PRIM2: variants seen among roughly 807,000 people sequenced by gnomAD.
The protein encoded by PRIM2 is DNA primase subunit 2.
A neutral mutation model predicts 67.3 loss-of-function variants in PRIM2; 39 were observed. That is an observed-to-expected ratio of 0.58 (90% CI 0.45 to 0.76). The LOEUF (loss-of-function observed/expected upper bound fraction) is 0.76. PRIM2 is among the 30% of genes least tolerant of loss of function. The pLI, the probability that PRIM2 is intolerant of heterozygous loss-of-function variation, is 0.00. For synonymous variants in PRIM2, 143 were observed against 198.7 expected (o/e 0.72, Z 2.36); for missense variants, 398 against 598.7 (o/e 0.66, Z 3.50).
chr6:57,472,109 G>T (rs1311395090), intron 7 of PRIM2, among the ~76,000 whole-genome samples: 2 of 152,020 alleles, frequency 1.3e-5, no homozygotes, highest in African/African-American at 4.8e-5. Context: ...GTAGGGTAGA[G>T]GGAGAGACCT....
the PRIM2 span, among the ~76,000 whole-genome samples, chr6:57,301,539 C>A: frequency 0.011 from 1,699 of 152,016 alleles, 36 homozygotes; most frequent in African/African-American, 0.039. Flanking sequence ...CAGTGGCTCA[C>A]GCCTGTAATC....
intron 7 of PRIM2, among the ~76,000 whole-genome samples, chr6:57,481,346 C>T (rs1250890612): frequency 1.3e-5 from 2 of 152,118 alleles, no homozygotes; most frequent in Non-Finnish European, 2.9e-5. Flanking sequence ...TATATAGACT[C>T]ATACAGTATG....
intron 10 of PRIM2, among the ~76,000 whole-genome samples, chr6:57,576,182 G>T (rs1775962209): frequency 6.6e-6 from 1 of 151,986 alleles, no homozygotes; most frequent in South Asian, 2.1e-4. Context: ...ATATACTGTT[G>T]ATATTTTAAT....
At chr6:57,489,467 G>C (rs1165328898) in intron 7 of PRIM2, among the ~76,000 whole-genome samples, 4 of 152,296 alleles carry the variant, frequency 2.6e-5, no homozygotes, top group Non-Finnish European at 5.9e-5. Context: ...TGAGGCAGGA[G>C]AATGGCGTGA....
intron 7 of PRIM2, among the ~76,000 whole-genome samples, chr6:57,409,090 C>T (rs1394836537): frequency 6.6e-6 from 1 of 151,720 alleles, no homozygotes; most frequent in Non-Finnish European, 1.5e-5. Context: ...TATCTAGTCC[C>T]CAATTCAAAT....
intron 7 of PRIM2, among the ~76,000 whole-genome samples, chr6:57,460,000 T>A (rs1361946314): frequency 1.3e-5 from 2 of 152,080 alleles, no homozygotes; most frequent in Non-Finnish European, 2.9e-5. Flanking sequence ...TCATGAAACA[T>A]TGAAGTCATG....
intron 7 of PRIM2, among the ~76,000 whole-genome samples, chr6:57,455,732 C>G (rs1441438209): frequency 1.3e-5 from 2 of 152,164 alleles, no homozygotes; most frequent in African/African-American, 2.4e-5. Flanking sequence ...GGTCTTGACT[C>G]TTTATCCAAT....
the PRIM2 span, among the ~76,000 whole-genome samples, chr6:57,288,695 C>T: frequency 6.6e-6 from 1 of 152,154 alleles, no homozygotes; most frequent in Non-Finnish European, 1.5e-5. Flanking sequence ...CTCCAACAGA[C>T]CTGCAGCTGA....
chr6:57,436,176 A>AT (rs1337185981), intron 7 of PRIM2, among the ~76,000 whole-genome samples: 1 of 151,932 alleles, frequency 6.6e-6, no homozygotes, highest in African/African-American at 2.4e-5. Context: ...CTAATATTAG[A>AT]TTTTAGGGAT....
chr6:57,515,677 C>T (rs1774472629), intron 8 of PRIM2, among the ~76,000 whole-genome samples: 1 of 152,194 alleles, frequency 6.6e-6, no homozygotes, highest in African/African-American at 2.4e-5. Context: ...ATTGTATATA[C>T]ATTCCCTGAT....
intron 7 of PRIM2, among the ~76,000 whole-genome samples, chr6:57,506,170 G>T (rs1187731274): frequency 7.1e-6 from 1 of 141,388 alleles, no homozygotes; most frequent in Admixed American, 7.2e-5. Flanking sequence ...TGAAAGTCTT[G>T]ATTGTGCTAA....
At chr6:57,518,048 A>C (rs1774522808) in intron 8 of PRIM2, among the ~76,000 whole-genome samples, 1 of 152,286 alleles carries the variant, frequency 6.6e-6, no homozygotes, top group Non-Finnish European at 1.5e-5. Context: ...CAAAATTAAT[A>C]AATTGAGCTG....
At chr6:57,326,715 C>T (rs557272496) in intron 5 of PRIM2, among the ~76,000 whole-genome samples, 4 of 146,128 alleles carry the variant, frequency 2.7e-5, no homozygotes, top group Admixed American at 2.0e-4. Context: ...AGCAAGACTC[C>T]GTCTCAAAAA....
intron 7 of PRIM2, among the ~76,000 whole-genome samples, chr6:57,416,539 A>C (rs1427859743): frequency 6.6e-6 from 1 of 152,158 alleles, no homozygotes; most frequent in African/African-American, 2.4e-5. Context: ...CTGTCCTTTG[A>C]AGCTTTGAAG....
chr6:57,544,312 G>A (rs1390568561), intron 10 of PRIM2, among the ~76,000 whole-genome samples: 1 of 152,104 alleles, frequency 6.6e-6, no homozygotes, highest in Non-Finnish European at 1.5e-5. Context: ...TCTCGGGGCT[G>A]GCATGTCTCT....
At chr6:57,573,628 A>T (rs1562794650) in intron 10 of PRIM2, among the ~76,000 whole-genome samples, 4 of 152,142 alleles carry the variant, frequency 2.6e-5, no homozygotes, top group Admixed American at 2.6e-4. Flanking sequence ...GATTATATAT[A>T]CGTGTGTGTG....
intron 5 of PRIM2, among the ~76,000 whole-genome samples, chr6:57,349,025 G>A (rs1466470889): frequency 3.3e-5 from 5 of 152,086 alleles, no homozygotes; most frequent in African/African-American, 1.2e-4. Context: ...GATTACAGAC[G>A]TGAGACACCA....
chr6:57,550,601 G>C (rs2127474805), intron 10 of PRIM2, among the ~76,000 whole-genome samples: 1 of 152,158 alleles, frequency 6.6e-6, no homozygotes, highest in East Asian at 1.9e-4. Flanking sequence ...ATAAAAAATA[G>C]AAGACTTCAA....
At chr6:57,373,842 A>G (rs1769652309) in intron 5 of PRIM2, among the ~76,000 whole-genome samples, 2 of 152,278 alleles carry the variant, frequency 1.3e-5, no homozygotes, top group Middle Eastern at 3.4e-3. Flanking sequence ...TCTTTTGGTT[A>G]CTGTAGCCCT....
Sources: gnomAD v4.1 joint callset for allele counts (sites outside exome capture counted in the v4.1 genomes callset) on GRCh38, gnomAD v4.1.1 for gene constraint, MANE v1.5 for transcripts, NCBI Gene and HGNC (gene_info 2026-07-23, HGNC 2026-07-21) for gene names.